The following CRLF3 variants were observed in gnomAD, a reference collection of about 807,000 sequenced individuals.
The protein encoded by CRLF3 is cytokine receptor-like factor 3.
In CRLF3, 33 loss-of-function variants were observed where a neutral mutation model predicts 55.0. That is an observed-to-expected ratio of 0.60 (90% CI 0.46 to 0.80). The LOEUF (loss-of-function observed/expected upper bound fraction) is 0.80. CRLF3 is among the 30% of genes least tolerant of loss of function. The probability of loss-of-function intolerance (pLI) is 0.00; values close to 1 mark genes in which losing one functional copy is unlikely to be tolerated. For missense variants in CRLF3, 494 were observed against 538.4 expected, an observed-to-expected ratio of 0.92 and a Z score of 0.82; for synonymous variants, 238 against 196.8, an observed-to-expected ratio of 1.21 and a Z score of -1.75.
chr17:30,816,488 C>CTTTTTTTTTTTT (rs1183953028), intron 1 of CRLF3, among the ~76,000 whole-genome samples: 3 of 117,494 alleles, frequency 2.6e-5, no homozygotes, highest in Admixed American at 9.2e-5. Context: ...TTCTTTCTTT[C>CTTTTTTTTTTTT]TTTTTTTTTT....
At chr17:30,809,745 G>A (rs948460635) in intron 1 of CRLF3, 3 of 152,084 alleles carry the variant, frequency 2.0e-5, no homozygotes, top group African/African-American at 7.2e-5. Flanking sequence ...CGAACTCCTG[G>A]GCTCAGGTGA....
At chr17:30,824,405 G>T in intron 1 of CRLF3, 118 bp downstream of exon 1, 1 of 930,052 alleles carries the variant, frequency 1.1e-6, no homozygotes, top group Non-Finnish European at 1.4e-6. Context: ...TCAAATGAAT[G>T]CCTCTTCCCT....
At chr17:30,813,606 G>GTT (rs541123131) in intron 1 of CRLF3, among the ~76,000 whole-genome samples, 1 of 148,124 alleles carries the variant, frequency 6.8e-6, no homozygotes, top group East Asian at 2.0e-4. Flanking sequence ...TGTGCTAAGC[G>GTT]TTTTTTTTTT....
At chr17:30,812,555 A>C (rs903737300) in intron 1 of CRLF3, among the ~76,000 whole-genome samples, 9 of 152,194 alleles carry the variant, frequency 5.9e-5, no homozygotes, top group African/African-American at 2.2e-4. Context: ...AAAGTGCTTA[A>C]TTGAGAACTT....
At chr17:30,787,939 G>T (rs1434142777) in intron 6 of CRLF3, among the ~76,000 whole-genome samples, 1 of 152,026 alleles carries the variant, frequency 6.6e-6, no homozygotes. Context: ...GATGGCGATT[G>T]CAGTGAGCTG....
chr17:30,798,483 A>C (rs1017688383), intron 2 of CRLF3, among the ~76,000 whole-genome samples: 35 of 152,256 alleles, frequency 2.3e-4, no homozygotes, highest in African/African-American at 8.4e-4. Flanking sequence ...TTTCCATCTA[A>C]ATGTGCCCTG....
chr17:30,785,385 G>A (rs1271806783), intron 7 of CRLF3, among the ~76,000 whole-genome samples: 10 of 151,922 alleles, frequency 6.6e-5, no homozygotes, highest in South Asian at 2.1e-4. Context: ...TCTGGCTAGC[G>A]ATTTTTAAAG....
intron 1 of CRLF3, among the ~76,000 whole-genome samples, chr17:30,821,339 CA>C (rs112600272): frequency 0.46 from 53,092 of 115,972 alleles, 11,037 homozygotes; most frequent in African/African-American, 0.66. Context: ...GGTCCTTTCT[CA>C]AAAAAAAAAA....
intron 1 of CRLF3, among the ~76,000 whole-genome samples, chr17:30,823,671 A>G (rs1011081095): frequency 6.6e-6 from 1 of 152,024 alleles, no homozygotes; most frequent in Non-Finnish European, 1.5e-5. Context: ...GCAGCGGGTT[A>G]TATCTTTTTC....
At position 30,783,779 on chromosome 17, in the gene CRLF3, C is replaced by T. The variant is rs1220270346; in HGVS notation, c.*408G>A. 6.1e-6 allele frequency: 1 copy of T among 164,796 alleles called. No homozygotes were observed. Among genetic ancestry groups the T allele is most frequent in the Non-Finnish European group, 1.3e-5 (1 of 75,722 alleles). 10.2% of individuals were successfully genotyped at this position (164,796 alleles called of 1,614,324 possible). A position where few individuals can be genotyped will look rare whatever the true frequency, so the allele number is the denominator to read the frequency against. On this transcript the variant is annotated 3_prime_UTR_variant, in exon 8 of 8. Transcript: ENST00000324238. ...GTATTAATACATTACACAGCTTCTT[C>T]TATCTGACCTATTCCTCTTGTTCTA...
intron 2 of CRLF3, among the ~76,000 whole-genome samples, chr17:30,803,458 T>C (rs1198739477): frequency 1.3e-5 from 2 of 152,210 alleles, no homozygotes; most frequent in Non-Finnish European, 2.9e-5. Flanking sequence ...AGAAGCCTGC[T>C]GCTATCCTGA....
At chr17:30,814,893 C>T (rs926301895) in intron 1 of CRLF3, among the ~76,000 whole-genome samples, 2 of 151,406 alleles carry the variant, frequency 1.3e-5, no homozygotes, top group Admixed American at 6.6e-5. Context: ...GCCAGCTACT[C>T]GGAAGGCTGA....
chr17:30,803,906 C>T lies in CRLF3; in HGVS notation c.332G>A (p.Arg111Gln), dbSNP rs189636682. 6.3e-5 allele frequency: 101 copies of T among 1,610,618 alleles called. 2 individuals carry two copies. In the East Asian group the frequency reaches 2.0e-3, roughly 32 times the overall value. ...HGVNTAEDLV[R>Q]EGEIAMLGGV... ...CAGGCTCCCTGGTCCCCCACCTTCT[C>T]GGACTAAGTCCTCTGCAGTGTTGAC... is the stretch of plus-strand genomic sequence containing the variant. Residue 111 changes from arginine to glutamine, a missense_variant, in exon 2 of 8, where the codon CGA becomes CAA. Coordinates refer to ENST00000324238, the MANE Select transcript of CRLF3 (RefSeq NM_015986.4).
At chr17:30,805,773 T>G (rs187156625) in intron 1 of CRLF3, among the ~76,000 whole-genome samples, 1 of 151,244 alleles carries the variant, frequency 6.6e-6, no homozygotes, top group Non-Finnish European at 1.5e-5. Flanking sequence ...CTATGATCCT[T>G]GCACTTTGAG....
chr17:30,813,132 A>G (rs1904674185), intron 1 of CRLF3, among the ~76,000 whole-genome samples: 1 of 152,206 alleles, frequency 6.6e-6, no homozygotes, highest in Non-Finnish European at 1.5e-5. Context: ...TTTATTACGT[A>G]GCAGTAAACA....
chr17:30,812,171 G>A (rs992687169), intron 1 of CRLF3, among the ~76,000 whole-genome samples: 1 of 151,954 alleles, frequency 6.6e-6, no homozygotes, highest in Admixed American at 6.6e-5. Flanking sequence ...AACTGAAATT[G>A]AAAACGCTAA....
At chr17:30,804,748 A>C (rs756721787) in intron 1 of CRLF3, among the ~76,000 whole-genome samples, 4 of 149,538 alleles carry the variant, frequency 2.7e-5, no homozygotes, top group Non-Finnish European at 4.4e-5. Flanking sequence ...TTGCACAAAC[A>C]GACAGAAGTA....
At chr17:30,789,965 ATAGT>A (rs1316611065) in intron 6 of CRLF3, among the ~76,000 whole-genome samples, 1 of 152,064 alleles carries the variant, frequency 6.6e-6, no homozygotes, top group Non-Finnish European at 1.5e-5. Flanking sequence ...TACCTGGGGA[ATAGT>A]TAAATAGATT....
chr17:30,815,084 C>CTT (rs541526248), intron 1 of CRLF3, among the ~76,000 whole-genome samples: 42 of 107,516 alleles, frequency 3.9e-4, no homozygotes, highest in South Asian at 1.4e-3. Context: ...TTCTTTCTTT[C>CTT]TTTTTTTTTT....
Sources: gnomAD v4.1 joint callset for allele counts (sites outside exome capture counted in the v4.1 genomes callset) on GRCh38, gnomAD v4.1.1 for gene constraint, MANE v1.5 for transcripts, NCBI Gene and HGNC (gene_info 2026-07-23, HGNC 2026-07-21) for gene names.